The following SMARCA5 variants were observed in gnomAD, a reference collection of about 807,000 sequenced individuals.
SMARCA5 encodes the protein SNF2 related chromatin remodeling ATPase 5.
Under a neutral mutation model 140.4 loss-of-function variants are expected in SMARCA5, and 18 were observed. That is an observed-to-expected ratio of 0.13 (90% CI 0.09 to 0.19). SMARCA5 has a LOEUF of 0.19. Among genes scored for constraint, SMARCA5 ranks in the 10% least tolerant of loss-of-function variants. The pLI is 1.00. For synonymous variants in SMARCA5, 449 were observed against 419.6 expected (o/e 1.07, Z -0.86); for missense variants, 606 against 1,276.8 (o/e 0.47, Z 8.01).
At position 143,543,896 on chromosome 4, in the gene SMARCA5, C is replaced by T; in HGVS notation, c.2096C>T (p.Ser699Leu). The change falls in exon 16 of 24, where the codon TCA becomes TTA. Residue 699 changes from serine (S) to leucine (L), a missense_variant. Coordinates refer to ENST00000283131, the MANE Select transcript of SMARCA5 (RefSeq NM_003601.4). ...AAGCTCTCCAAGATGGGCGAAAGTT[C>T]ACTTAGAAACTTTACAATGGATACA... is the stretch of plus-strand genomic sequence containing the variant. Reference protein sequence around the residue: ...NEKLSKMGESSLRNFTMDTES... With the variant: ...NEKLSKMGESLLRNFTMDTES... 1.2e-6 allele frequency: 2 copies of T among 1,609,866 alleles called. No individual in the cohort carries two copies. Among genetic ancestry groups the T allele is most frequent in the Non-Finnish European group, 1.7e-6 (2 of 1,177,610 alleles).
At chr4:143,543,424 G>A (rs1289824240) in intron 14 of SMARCA5, 85 bp from the exon 15 acceptor site, 6 of 1,048,186 alleles carry the variant, frequency 5.7e-6, no homozygotes, top group Non-Finnish European at 7.0e-6. Context: ...AAATTATAAA[G>A]CATTAAACCT....
intron 1 of SMARCA5, 181 bp downstream of exon 1, chr4:143,514,282 C>T (rs1736775462): frequency 3.5e-6 from 2 of 567,200 alleles, no homozygotes; most frequent in Non-Finnish European, 5.9e-6. Flanking sequence ...CCTATTCGAG[C>T]TAAGCAAAAT....
intron 14 of SMARCA5, among the ~76,000 whole-genome samples, chr4:143,541,502 C>T (rs935476584): frequency 6.6e-6 from 1 of 152,132 alleles, no homozygotes; most frequent in African/African-American, 2.4e-5. Flanking sequence ...CAAATCGTTT[C>T]CCTTAATAAA....
intron 10 of SMARCA5, among the ~76,000 whole-genome samples, chr4:143,536,046 A>T (rs922509387): frequency 6.6e-6 from 1 of 152,160 alleles, no homozygotes; most frequent in Non-Finnish European, 1.5e-5. Context: ...TAAATGCTAC[A>T]CTAGCTATGG....
chr4:143,539,673 A>G (rs1238256709), intron 13 of SMARCA5, among the ~76,000 whole-genome samples: 5 of 151,582 alleles, frequency 3.3e-5, no homozygotes, highest in African/African-American at 1.2e-4. Flanking sequence ...AGTAGCTGGG[A>G]TTACAGGTGT....
chr4:143,517,541 G>T, intron 2 of SMARCA5, 112 bp downstream of exon 2: 1 of 603,746 alleles, frequency 1.7e-6, no homozygotes, highest in Non-Finnish European at 2.7e-6. Context: ...CCACAGACTG[G>T]GTAATTTATA....
At chr4:143,525,281 C>T (rs979805032) in intron 4 of SMARCA5, among the ~76,000 whole-genome samples, 170 bp from the exon 5 acceptor site, 4 of 152,176 alleles carry the variant, frequency 2.6e-5, no homozygotes, top group Non-Finnish European at 5.9e-5. Context: ...TCCAGCTTTT[C>T]CACTTCAGAC....
chr4:143,530,799 A>G (rs1298197735), intron 9 of SMARCA5, among the ~76,000 whole-genome samples: 1 of 152,148 alleles, frequency 6.6e-6, no homozygotes, highest in Non-Finnish European at 1.5e-5. Flanking sequence ...AGAATTGCAT[A>G]ATAATTAATA....
chr4:143,549,752 G>A (rs2149825550), intron 22 of SMARCA5, among the ~76,000 whole-genome samples: 1 of 152,128 alleles, frequency 6.6e-6, no homozygotes, highest in East Asian at 1.9e-4. Context: ...CCTAAGTGAA[G>A]GAAGAATTTT....
intron 14 of SMARCA5, among the ~76,000 whole-genome samples, chr4:143,541,935 G>C (rs545144802): frequency 6.6e-6 from 1 of 151,314 alleles, no homozygotes; most frequent in Admixed American, 6.6e-5. Flanking sequence ...TCGGCTCACT[G>C]CAACCTCCGC....
chr4:143,552,998 G>A lies in SMARCA5; in HGVS notation c.3094-121G>A, dbSNP rs1737676088. 3 of 676,504 alleles carry A rather than the reference G, an allele frequency of 4.4e-6. No homozygotes were observed. In the Admixed American group the frequency reaches 7.7e-5, roughly 17 times the overall value. 41.9% of individuals were successfully genotyped at this position (676,504 alleles called of 1,614,324 possible). On this transcript the variant is annotated intron_variant, in intron 23 of 23. Transcript: ENST00000283131. The stretch of plus-strand genomic sequence containing the variant: ...TTTGAAAGATTTATATAGCCTGGGG[G>A]AAAAGTCTCATACCTATTACTTTGT...
chr4:143,518,994 G>A (rs1009714890), intron 2 of SMARCA5, among the ~76,000 whole-genome samples: 1 of 151,876 alleles, frequency 6.6e-6, no homozygotes, highest in Non-Finnish European at 1.5e-5. Flanking sequence ...ATTTTTTCCC[G>A]TGATAATATC....
At chr4:143,550,465 T>TTAAAC (rs753708030) in intron 23 of SMARCA5, among the ~76,000 whole-genome samples, 276 of 152,130 alleles carry the variant, frequency 1.8e-3, no homozygotes, top group African/African-American at 6.2e-3. Context: ...TAACTCTTAG[T>TTAAAC]TATTTTAAAA....
At chr4:143,525,758 T>C (rs1447861247) in intron 5 of SMARCA5, among the ~76,000 whole-genome samples, 1 of 152,212 alleles carries the variant, frequency 6.6e-6, no homozygotes, top group African/African-American at 2.4e-5. Context: ...TTAAAAAGAA[T>C]ACATTTGAGA....
chr4:143,545,410 G>A (rs1737504181), intron 17 of SMARCA5, 60 bp from the exon 18 acceptor site: 3 of 1,047,448 alleles, frequency 2.9e-6, no homozygotes, highest in Non-Finnish European at 4.5e-6. Flanking sequence ...TGAGGACTAA[G>A]GATACATTTA....
intron 9 of SMARCA5, among the ~76,000 whole-genome samples, chr4:143,531,961 T>C (rs1463921543): frequency 6.6e-6 from 1 of 152,198 alleles, no homozygotes; most frequent in Admixed American, 6.5e-5. Flanking sequence ...CCTAATATTA[T>C]AGGACTTTGC....
intron 10 of SMARCA5, 133 bp from the exon 11 acceptor site, chr4:143,536,319 A>T: frequency 1.5e-6 from 1 of 646,256 alleles, no homozygotes. Context: ...ATTCCTAACC[A>T]TACCTAGAAG....
chr4:143,536,971 T>C (rs1161304679), intron 11 of SMARCA5, among the ~76,000 whole-genome samples: 1 of 152,222 alleles, frequency 6.6e-6, no homozygotes, highest in African/African-American at 2.4e-5. Context: ...ATGTGAAGAA[T>C]GCATCTCCCT....
At chr4:143,524,187 A>G (rs1044763841) in intron 3 of SMARCA5, among the ~76,000 whole-genome samples, 180 bp from the exon 4 acceptor site, 7 of 152,184 alleles carry the variant, frequency 4.6e-5, no homozygotes, top group African/African-American at 1.7e-4. Flanking sequence ...TATATTTTAA[A>G]TAATTATTTA....
Sources: gnomAD v4.1 joint callset for allele counts (sites outside exome capture counted in the v4.1 genomes callset) on GRCh38, gnomAD v4.1.1 for gene constraint, MANE v1.5 for transcripts, NCBI Gene and HGNC (gene_info 2026-07-23, HGNC 2026-07-21) for gene names.